The following AOPEP variants were observed in gnomAD, a reference collection of about 807,000 sequenced individuals.
AOPEP encodes the protein aminopeptidase O.
AOPEP carries 77 observed loss-of-function variants against 98.1 expected under a neutral mutation model. The observed-to-expected ratio is 0.78, with a 90% CI of 0.65 to 0.95. AOPEP has a LOEUF of 0.95. Ranked by LOEUF, AOPEP falls within the 40% of genes least tolerant of loss-of-function variation. AOPEP has a pLI of 0.00. For missense variants in AOPEP, 1,024 were observed against 1,024.7 expected, an observed-to-expected ratio of 1.00 and a Z score of 0.01; for synonymous variants, 346 against 365.3, an observed-to-expected ratio of 0.95 and a Z score of 0.60.
At chr9:94,769,156 G>GC (rs1467014399) in intron 2 of AOPEP, among the ~76,000 whole-genome samples, 1 of 152,158 alleles carries the variant, frequency 6.6e-6, no homozygotes, top group Non-Finnish European at 1.5e-5. Flanking sequence ...CTCTGGGAAG[G>GC]CCCCATGTTC....
the AOPEP span, among the ~76,000 whole-genome samples, chr9:95,118,950 G>A: frequency 5.3e-5 from 8 of 152,198 alleles, no homozygotes. Context: ...GAACTGCTGG[G>A]TCACAGATAG....
intron 11 of AOPEP, among the ~76,000 whole-genome samples, chr9:94,986,624 C>T (rs7848018): frequency 6.6e-6 from 1 of 152,052 alleles, no homozygotes; most frequent in Middle Eastern, 3.4e-3. Context: ...TCATGGCATG[C>T]GAGAGAAATA....
At chr9:94,855,984 T>TGGG (rs2044161397) in intron 5 of AOPEP, among the ~76,000 whole-genome samples, 1 of 152,198 alleles carries the variant, frequency 6.6e-6, no homozygotes, top group South Asian at 2.1e-4. Flanking sequence ...CAATGGGACT[T>TGGG]ATACGTAGGT....
intron 7 of AOPEP, among the ~76,000 whole-genome samples, chr9:94,940,399 A>C (rs928364889): frequency 2.6e-5 from 4 of 152,128 alleles, no homozygotes; most frequent in African/African-American, 9.7e-5. Context: ...TGAGGTCAGG[A>C]GTTCGAGATC....
chr9:94,846,089 C>A (rs1413555236), intron 5 of AOPEP, among the ~76,000 whole-genome samples: 1 of 115,742 alleles, frequency 8.6e-6, no homozygotes, highest in Non-Finnish European at 2.0e-5. Context: ...GAGCGAGACT[C>A]CATCTTAAAA....
At chr9:94,847,968 G>T (rs1413935023) in intron 5 of AOPEP, among the ~76,000 whole-genome samples, 1 of 152,110 alleles carries the variant, frequency 6.6e-6, no homozygotes, top group Non-Finnish European at 1.5e-5. Flanking sequence ...GCAGGACTGG[G>T]GACATATCAC....
Position 94,980,399 on chromosome 9 carries a change from G to A in AOPEP, c.1977+972G>A, listed in dbSNP as rs749281309. Among the ~76,000 whole-genome samples, 1 of 152,232 alleles carries A rather than the reference G, an allele frequency of 6.6e-6. No homozygotes were observed. The highest frequency in any genetic ancestry group is 1.5e-5 in the Non-Finnish European group (1 of 68,030). On this transcript the variant is annotated intron_variant, in intron 11 of 16. Transcript: ENST00000375315. The surrounding 1 kb of genome is among the most constrained non-coding windows in gnomAD (Gnocchi z 4.3). ...GGTGAGGCAGGCCCTGTAGCCTGCT[G>A]GTTTCTGGTTTCATGGCTGGTTACA... is the stretch of plus-strand genomic sequence containing the variant.
At chr9:94,976,693 G>A (rs1338142520) in intron 10 of AOPEP, among the ~76,000 whole-genome samples, 4 of 150,684 alleles carry the variant, frequency 2.7e-5, no homozygotes, top group African/African-American at 9.8e-5. Context: ...TTTGAGACAG[G>A]GTCTCACTTT....
intron 5 of AOPEP, among the ~76,000 whole-genome samples, chr9:94,886,751 G>A (rs2048287324): frequency 6.6e-6 from 1 of 152,058 alleles, no homozygotes; most frequent in African/African-American, 2.4e-5. Context: ...TTTAAATTAA[G>A]CTCATAAGTC....
chr9:95,010,146 A>G (rs1015345921), intron 13 of AOPEP, among the ~76,000 whole-genome samples: 9 of 152,108 alleles, frequency 5.9e-5, no homozygotes, highest in Non-Finnish European at 1.3e-4. Flanking sequence ...TTCCTTTTAA[A>G]TTTTATATAT....
intron 5 of AOPEP, among the ~76,000 whole-genome samples, chr9:94,899,975 C>G (rs1439238201): frequency 6.6e-6 from 1 of 152,138 alleles, no homozygotes; most frequent in Non-Finnish European, 1.5e-5. Context: ...TATATAGATT[C>G]AAGTAAACTT....
At chr9:94,971,036 T>C (rs1248325599) in intron 10 of AOPEP, among the ~76,000 whole-genome samples, 1 of 152,232 alleles carries the variant, frequency 6.6e-6, no homozygotes, top group Non-Finnish European at 1.5e-5. Context: ...TTTTTAGTTT[T>C]GGAGGTCTCT....
intron 13 of AOPEP, among the ~76,000 whole-genome samples, chr9:95,042,855 C>CT (rs1256879910): frequency 6.6e-6 from 1 of 152,158 alleles, no homozygotes; most frequent in Admixed American, 6.5e-5. Context: ...TTTTAATTCC[C>CT]TTTTGCCAGG....
chr9:95,114,738 G>A, the AOPEP span: 1 of 1,598,032 alleles, frequency 6.3e-7, no homozygotes, highest in Non-Finnish European at 8.6e-7. Flanking sequence ...TACGTCAGAG[G>A]GCAACTGAGG....
intron 5 of AOPEP, among the ~76,000 whole-genome samples, chr9:94,807,557 A>AT (rs1455020798): frequency 4.6e-5 from 7 of 152,028 alleles, no homozygotes; most frequent in Non-Finnish European, 1.0e-4. Flanking sequence ...CCACCTTGCC[A>AT]TTTTTTCCAT....
intron 15 of AOPEP, among the ~76,000 whole-genome samples, chr9:95,082,075 G>A (rs1044686891): frequency 9.2e-5 from 14 of 152,060 alleles, no homozygotes; most frequent in Admixed American, 6.5e-4. Context: ...GCGTCTCTGC[G>A]GGCATCGTGA....
At chr9:95,005,249 C>A in intron 12 of AOPEP, 29 bp downstream of exon 12, 1 of 1,069,538 alleles carries the variant, frequency 9.3e-7, no homozygotes, top group Non-Finnish European at 1.1e-6. Context: ...GTCCCTGCGC[C>A]CCGGTGGCGC....
chr9:95,066,528 G>A (rs1251440148), intron 14 of AOPEP, among the ~76,000 whole-genome samples: 1 of 152,148 alleles, frequency 6.6e-6, no homozygotes, highest in African/African-American at 2.4e-5. Flanking sequence ...AAGAGAGAGG[G>A]CATTTAATAG....
At chr9:95,114,209 T>G in the AOPEP span, 1 of 271,000 alleles carries the variant, frequency 3.7e-6, no homozygotes. Context: ...TGTGTAGGAG[T>G]TTCAAATCTC....
Sources: allele counts gnomAD v4.1 joint callset (sites outside exome capture counted in the v4.1 genomes callset), GRCh38; gene constraint gnomAD v4.1.1; non-coding constraint Gnocchi (gnomAD v3.1); transcripts MANE v1.5; gene names NCBI Gene and HGNC (gene_info 2026-07-23, HGNC 2026-07-21).